The following UNC5A variants were observed in gnomAD, a reference collection of about 807,000 sequenced individuals.
The protein encoded by UNC5A is unc-5 netrin receptor A, also known as netrin receptor UNC5A.
UNC5A carries 20 observed loss-of-function variants against 87.4 expected under a neutral mutation model. That is an observed-to-expected ratio of 0.23 (90% CI 0.16 to 0.33). The LOEUF (loss-of-function observed/expected upper bound fraction) is 0.33, where lower values mean the gene tolerates loss of function less well. UNC5A is among the 10% of genes least tolerant of loss of function. The probability of loss-of-function intolerance (pLI) is 1.00; values close to 1 mark genes in which losing one functional copy is unlikely to be tolerated. For missense variants in UNC5A, 844 were observed against 1,133.4 expected (o/e 0.74, Z 3.67); for synonymous variants, 438 against 482.3 (o/e 0.91, Z 1.20).
intron 1 of UNC5A, among the ~76,000 whole-genome samples, chr5:176,822,489 G>A (rs1474423949): frequency 6.6e-6 from 1 of 152,346 alleles, no homozygotes; most frequent in South Asian, 2.1e-4. Flanking sequence ...GGCCTGAGAA[G>A]GAAGGTTGGC....
intron 1 of UNC5A, among the ~76,000 whole-genome samples, chr5:176,846,353 T>G (rs1757401820): frequency 6.6e-6 from 1 of 151,046 alleles, no homozygotes; most frequent in Non-Finnish European, 1.5e-5. Context: ...AGGAATGGGA[T>G]TAAGGTGGGT....
chr5:176,820,214 G>C (rs1756695635), intron 1 of UNC5A, among the ~76,000 whole-genome samples: 1 of 152,176 alleles, frequency 6.6e-6, no homozygotes, highest in South Asian at 2.1e-4. Flanking sequence ...TGGCTAACAT[G>C]GTGAAACCAC....
chr5:176,837,887 G>C (rs996003176), intron 1 of UNC5A, among the ~76,000 whole-genome samples: 1 of 152,120 alleles, frequency 6.6e-6, no homozygotes, highest in African/African-American at 2.4e-5. Flanking sequence ...TGCGGACTCG[G>C]CTTCCTAACC....
intron 1 of UNC5A, among the ~76,000 whole-genome samples, chr5:176,816,394 T>C (rs60507208): frequency 0.023 from 3,510 of 152,342 alleles, 120 homozygotes; most frequent in African/African-American, 0.079. Flanking sequence ...TCTCAGGGCG[T>C]CCAGAAGGTC....
chr5:176,813,314 C>T (rs1313270020), intron 1 of UNC5A, among the ~76,000 whole-genome samples: 2 of 152,216 alleles, frequency 1.3e-5, no homozygotes, highest in Non-Finnish European at 2.9e-5. Context: ...GTGCCATGCT[C>T]TGGCATTGCT....
At chr5:176,829,894 A>ATTTTTTTTTTTTTT in intron 1 of UNC5A, among the ~76,000 whole-genome samples, 1 of 12,286 alleles carries the variant, frequency 8.1e-5, no homozygotes, top group African/African-American at 9.9e-5. Flanking sequence ...TTTTTTTTTG[A>ATTTTTTTTTTTTTT]GATGGAATCT....
Position 176,862,608 on chromosome 5 carries a change from C to T in UNC5A, c.71-16C>T. 1 of 1,612,166 alleles carries T rather than the reference C, an allele frequency of 6.2e-7. No individual in the cohort carries two copies. The highest frequency in any genetic ancestry group is 1.1e-5 in the South Asian group (1 of 91,022). On this transcript the variant is annotated splice_polypyrimidine_tract_variant and intron_variant, in intron 1 of 14. Coordinates refer to ENST00000329542, the MANE Select transcript of UNC5A (RefSeq NM_133369.3). ...GTCTGGCCCCTGGCTCACCTTCCCC[C>T]TCTGCCCTGCCGCAGGTGCCCAGCA...
At position 176,878,048 on chromosome 5, in the gene UNC5A, T is replaced by C. The variant is rs769054384; in HGVS notation, c.1790T>C (p.Leu597Pro). The C allele has an allele frequency of 6.2e-7, 1 of 1,609,636 alleles. No homozygotes were observed. The highest frequency in any genetic ancestry group is 1.1e-5 in the South Asian group (1 of 91,080). ...GCCGCCAAGCGCCTCAAGCTGCTTC[T>C]GTTTGCGCCGGTGGCCTGCACCTCC... ...VAAAKRLKLL[L>P]FAPVACTSLE... The change falls in exon 11 of 15, where the codon CTG becomes CCG. Residue 597 changes from leucine (L) to proline (P), a missense_variant. This residue lies in a region of UNC5A where 353 missense variants were observed against 387.5 expected (regional missense o/e 0.91). Coordinates refer to ENST00000329542, the MANE Select transcript of UNC5A (RefSeq NM_133369.3).
In UNC5A at chr5:176,824,833, A is replaced by G. The variant is rs1282466627; in HGVS notation, c.70+14013A>G. ...CCCTACCTTGTGTACTCTCTGTCCC[A>G]GGCACTCTCACCACTCCGTATCCCC... On this transcript the variant is annotated intron_variant, in intron 1 of 14. Transcript: ENST00000329542. The surrounding 1 kb of genome is among the most constrained non-coding windows in gnomAD (Gnocchi z 4.2). Among the ~76,000 whole-genome samples the G allele has an allele frequency of 1.6e-5, 2 of 121,222 alleles. No homozygotes were observed. The highest frequency in any genetic ancestry group is 2.3e-4 in the East Asian group (1 of 4,336). The allele number at this position is 121,222 out of a possible 152,430, so 79.5% of individuals were successfully genotyped here. A position where few individuals can be genotyped will look rare whatever the true frequency, so the allele number is the denominator to read the frequency against.
chr5:176,873,023 A>C (rs1581277498), intron 6 of UNC5A, among the ~76,000 whole-genome samples: 1 of 24,644 alleles, frequency 4.1e-5, no homozygotes, highest in Non-Finnish European at 8.9e-5. Context: ...ATCTGCCCAC[A>C]CTCACCCAAC....
In UNC5A at chr5:176,810,855, CG is replaced by C; in HGVS notation, c.70+40del. 1 of 1,218,536 alleles carries C rather than the reference CG, an allele frequency of 8.2e-7. No homozygotes were observed. Among genetic ancestry groups the C allele is most frequent in the Non-Finnish European group, 1.0e-6 (1 of 978,958 alleles). 75.5% of individuals were successfully genotyped at this position (1,218,536 alleles called of 1,614,324 possible). A position where few individuals can be genotyped will look rare whatever the true frequency, so the allele number is the denominator to read the frequency against. On this transcript the variant is annotated intron_variant, in intron 1 of 14. Coordinates refer to ENST00000329542, the MANE Select transcript of UNC5A (RefSeq NM_133369.3). This position sits in a 1 kb window ranked among gnomAD's most constrained non-coding sequence, Gnocchi z 7.3. Reference sequence around the variant, plus strand: ...GCCGCGCGCGCTCTGGGGAGGCTTGCGGGGGACCGTGCGCGCGAACGCTCGC... The same window carrying C: ...GCCGCGCGCGCTCTGGGGAGGCTTGCGGGGACCGTGCGCGCGAACGCTCGC...
rs534178610 is a variant in UNC5A, at chr5:176,824,264, A to G, written c.70+13444A>G. 2.2e-3 allele frequency among the ~76,000 whole-genome samples: 332 copies of G among 152,276 alleles called. 2 individuals carry two copies. Among genetic ancestry groups the G allele is most frequent in the African/African-American group, 7.6e-3 (317 of 41,550 alleles). On this transcript the variant is annotated intron_variant, in intron 1 of 14. Coordinates refer to ENST00000329542, the MANE Select transcript of UNC5A (RefSeq NM_133369.3). The surrounding 1 kb of genome is among the most constrained non-coding windows in gnomAD (Gnocchi z 4.2). ...GCGGGTGAGGCCAGCGCACAGGGAGATCAGGGACAAGCGGAGGGAGGAGGC... is the reference window on the plus strand; with the variant it reads ...GCGGGTGAGGCCAGCGCACAGGGAGGTCAGGGACAAGCGGAGGGAGGAGGC...
At chr5:176,827,165 T>C (rs981773240) in intron 1 of UNC5A, among the ~76,000 whole-genome samples, 11 of 147,604 alleles carry the variant, frequency 7.5e-5, no homozygotes, top group African/African-American at 2.0e-4. Context: ...AAAGCATGCA[T>C]CACTGCTTCA....
intron 1 of UNC5A, among the ~76,000 whole-genome samples, chr5:176,815,723 A>G (rs184153125): frequency 9.8e-5 from 15 of 152,322 alleles, no homozygotes; most frequent in Admixed American, 8.5e-4. Flanking sequence ...CAGACACAGG[A>G]GAAAAATGCA....
chr5:176,854,399 C>T (rs1206802325), intron 1 of UNC5A, among the ~76,000 whole-genome samples: 2 of 152,208 alleles, frequency 1.3e-5, no homozygotes, highest in African/African-American at 4.8e-5. Context: ...AAAGTAATAA[C>T]TCATGCCGCC....
Position 176,858,053 on chromosome 5 carries a change from C to T in UNC5A, c.71-4571C>T, listed in dbSNP as rs114279914. Among the ~76,000 whole-genome samples the T allele has an allele frequency of 8.6e-3, 1,312 of 152,346 alleles. 15 individuals are homozygous for T. Among genetic ancestry groups the T allele is most frequent in the African/African-American group, 0.03 (1,239 of 41,572 alleles). On this transcript the variant is annotated intron_variant, in intron 1 of 14. Coordinates refer to ENST00000329542, the MANE Select transcript of UNC5A (RefSeq NM_133369.3). The stretch of plus-strand genomic sequence containing the variant: ...CTGGCAGTGTTCTCACACGCCCGTC[C>T]GTCAGTGGCCCCAGAGGCAGCAGCG...
chr5:176,878,324 C>A lies in UNC5A; in HGVS notation c.1950C>A (p.His650Gln). 2 of 1,613,468 alleles carry A rather than the reference C, an allele frequency of 1.2e-6. No individual in the cohort carries two copies. Among genetic ancestry groups the A allele is most frequent in the South Asian group, 1.1e-5 (1 of 91,088 alleles). The change falls in exon 12 of 15, where the codon CAC (histidine) becomes CAA (glutamine). Residue 650 changes from histidine to glutamine, a missense_variant. Transcript: ENST00000329542. ...PRVLHFKDSY[H>Q]NLRLSIHDVP... The stretch of plus-strand genomic sequence containing the variant: ...TCCTGCACTTCAAGGACAGTTACCA[C>A]AACCTGCGCCTATCCATCCACGATG...
At chr5:176,833,288 G>A (rs547339361) in intron 1 of UNC5A, among the ~76,000 whole-genome samples, 17 of 151,956 alleles carry the variant, frequency 1.1e-4, no homozygotes, top group African/African-American at 3.9e-4. Context: ...TAGTTTTTCC[G>A]TCCTCACCCT....
intron 1 of UNC5A, among the ~76,000 whole-genome samples, chr5:176,815,116 C>T (rs1294459647): frequency 6.6e-6 from 1 of 152,178 alleles, no homozygotes; most frequent in Non-Finnish European, 1.5e-5. Flanking sequence ...GAGTAGGAAC[C>T]CCCATCCCCA....
Sources: gnomAD v4.1 joint callset for allele counts (sites outside exome capture counted in the v4.1 genomes callset) on GRCh38, gnomAD v4.1.1 for gene constraint, gnomAD v4.1.1 regional missense constraint, Gnocchi (gnomAD v3.1) non-coding constraint, MANE v1.5 for transcripts, NCBI Gene and HGNC (gene_info 2026-07-23, HGNC 2026-07-21) for gene names.